CDIN1: variants seen among roughly 807,000 people sequenced by gnomAD.
CDIN1 encodes CDAN1-interacting nuclease 1.
CDIN1 carries 33 observed loss-of-function variants against 45.3 expected under a neutral mutation model. The observed-to-expected ratio is 0.73, with a 90% CI of 0.55 to 0.97. The LOEUF (loss-of-function observed/expected upper bound fraction) is 0.97, where lower values mean the gene tolerates loss of function less well. CDIN1 is among the 50% of genes least tolerant of loss of function. The probability of loss-of-function intolerance (pLI) is 0.00; values close to 1 mark genes in which losing one functional copy is unlikely to be tolerated. For synonymous variants in CDIN1, 118 were observed against 124.4 expected (o/e 0.95, Z 0.34); for missense variants, 303 against 339.4 (o/e 0.89, Z 0.84).
At chr15:36,737,341 G>T (rs571595833) in intron 10 of CDIN1, among the ~76,000 whole-genome samples, 1 of 151,976 alleles carries the variant, frequency 6.6e-6, no homozygotes, top group South Asian at 2.1e-4. Context: ...AACAAATATT[G>T]CATTTGAGGC....
rs2040728698 is a variant in CDIN1, at chr15:36,655,157, G to A, written c.273+999G>A. 2.0e-5 allele frequency among the ~76,000 whole-genome samples: 3 copies of A among 152,190 alleles called. No homozygotes were observed. In the South Asian group the frequency reaches 6.2e-4, roughly 32 times the overall value. ...ATACACTGCTGCAGTCAACAAATGA[G>A]CAATTACCTATCAGTTACTAGATGG... On this transcript the variant is annotated intron_variant, in intron 4 of 10. Coordinates refer to ENST00000566621, the MANE Select transcript of CDIN1 (RefSeq NM_001321759.2).
At chr15:36,803,663 G>A (rs1168376946) in intron 10 of CDIN1, among the ~76,000 whole-genome samples, 1 of 152,168 alleles carries the variant, frequency 6.6e-6, no homozygotes, top group East Asian at 1.9e-4. Context: ...CTACTTTCAA[G>A]CATTGTCCTA....
intron 5 of CDIN1, among the ~76,000 whole-genome samples, chr15:36,676,807 C>T (rs1408347702): frequency 6.6e-6 from 1 of 152,110 alleles, no homozygotes; most frequent in Non-Finnish European, 1.5e-5. Context: ...GCATGGAGCA[C>T]TAGCTTGAAA....
intron 5 of CDIN1, among the ~76,000 whole-genome samples, chr15:36,671,366 G>A (rs1020185275): frequency 3.3e-5 from 5 of 152,114 alleles, no homozygotes; most frequent in Admixed American, 1.3e-4. Context: ...AAGTATGAAA[G>A]GCAAAAGGAT....
intron 10 of CDIN1, among the ~76,000 whole-genome samples, chr15:36,769,814 C>T (rs1299514439): frequency 6.6e-6 from 1 of 152,138 alleles, no homozygotes; most frequent in Admixed American, 6.5e-5. Context: ...CTGCCAAAAA[C>T]GCAACGAGCC....
chr15:36,628,608 T>G (rs2039549935), intron 1 of CDIN1, among the ~76,000 whole-genome samples: 1 of 152,162 alleles, frequency 6.6e-6, no homozygotes, highest in South Asian at 2.1e-4. Context: ...CTTATTTAGA[T>G]GACATTTTGA....
chr15:36,695,967 C>T (rs1317885614), intron 7 of CDIN1, among the ~76,000 whole-genome samples: 2 of 152,088 alleles, frequency 1.3e-5, no homozygotes, highest in East Asian at 1.9e-4. Flanking sequence ...TAGCTATTAT[C>T]AATTATTCCA....
intron 5 of CDIN1, among the ~76,000 whole-genome samples, chr15:36,676,515 G>A (rs2041655305): frequency 6.6e-6 from 1 of 152,180 alleles, no homozygotes. Context: ...GCAGAGACTT[G>A]CCCTTGTCTC....
At chr15:36,703,951 T>G (rs1297018017) in intron 8 of CDIN1, among the ~76,000 whole-genome samples, 2 of 152,278 alleles carry the variant, frequency 1.3e-5, no homozygotes, top group East Asian at 3.9e-4. Context: ...TTGTTTTGAT[T>G]AAATAAATTG....
intron 10 of CDIN1, among the ~76,000 whole-genome samples, chr15:36,796,492 G>A (rs1310902120): frequency 6.6e-6 from 1 of 152,146 alleles, no homozygotes; most frequent in Non-Finnish European, 1.5e-5. Context: ...AAAACCTCAA[G>A]AATGACAGGT....
At chr15:36,736,002 A>G (rs886480253) in intron 10 of CDIN1, among the ~76,000 whole-genome samples, 1 of 152,184 alleles carries the variant, frequency 6.6e-6, no homozygotes, top group African/African-American at 2.4e-5. Flanking sequence ...GTTTGGTGTT[A>G]AGAAGGAGGC....
At chr15:36,777,065 T>C (rs2054237120) in intron 10 of CDIN1, among the ~76,000 whole-genome samples, 1 of 152,174 alleles carries the variant, frequency 6.6e-6, no homozygotes, top group Non-Finnish European at 1.5e-5. Flanking sequence ...ATTTGATATT[T>C]ACTGGGGAAA....
At chr15:36,691,115 C>G in intron 5 of CDIN1, 1 of 515,760 alleles carries the variant, frequency 1.9e-6, no homozygotes, top group Non-Finnish European at 3.9e-6. Context: ...TCAGTTTTAC[C>G]TACTTTCCTC....
chr15:36,733,506 A>T (rs1180929196), intron 10 of CDIN1, among the ~76,000 whole-genome samples: 2 of 151,134 alleles, frequency 1.3e-5, no homozygotes, highest in Non-Finnish European at 3.0e-5. Flanking sequence ...AATGTATTGT[A>T]TTTTTTTTTC....
intron 10 of CDIN1, among the ~76,000 whole-genome samples, chr15:36,713,532 A>G (rs1004956278): frequency 6.6e-6 from 1 of 152,172 alleles, no homozygotes; most frequent in Non-Finnish European, 1.5e-5. Flanking sequence ...TTCTGGTCCC[A>G]TGACTGGGAG....
intron 10 of CDIN1, among the ~76,000 whole-genome samples, chr15:36,739,709 TTAAAG>T (rs1221142355): frequency 3.1e-4 from 47 of 152,326 alleles, no homozygotes; most frequent in African/African-American, 1.1e-3. Context: ...GTTAGCAAGT[TTAAAG>T]TAAAGCATGA....
chr15:36,799,099 G>A (rs2054919465), intron 10 of CDIN1: 1 of 152,176 alleles, frequency 6.6e-6, no homozygotes, highest in Admixed American at 6.5e-5. Context: ...GAGAAAACAT[G>A]TAATAATTCA....
At chr15:36,752,259 G>C (rs1351430678) in intron 10 of CDIN1, among the ~76,000 whole-genome samples, 1 of 152,138 alleles carries the variant, frequency 6.6e-6, no homozygotes, top group African/African-American at 2.4e-5. Flanking sequence ...TAACTGTCCT[G>C]GTTATGCCAA....
intron 10 of CDIN1, among the ~76,000 whole-genome samples, chr15:36,788,334 T>C (rs1225996277): frequency 6.6e-6 from 1 of 151,722 alleles, no homozygotes; most frequent in East Asian, 1.9e-4. Context: ...CAGGCTGGTC[T>C]TGAACTCCCA....
Sources: allele counts gnomAD v4.1 joint callset (sites outside exome capture counted in the v4.1 genomes callset), GRCh38; gene constraint gnomAD v4.1.1; transcripts MANE v1.5; gene names NCBI Gene and HGNC (gene_info 2026-07-23, HGNC 2026-07-21).